Variants in HCFC2 observed in about 807,000 individuals in gnomAD.
HCFC2 encodes host cell factor 2.
A neutral mutation model predicts 89.2 loss-of-function variants in HCFC2; 18 were observed. That is an observed-to-expected ratio of 0.20 (90% CI 0.14 to 0.30). The LOEUF (loss-of-function observed/expected upper bound fraction) is 0.30, where lower values mean the gene tolerates loss of function less well. Ranked by LOEUF, HCFC2 falls within the 10% of genes least tolerant of loss-of-function variation. HCFC2 has a pLI of 1.00. For synonymous variants in HCFC2, 308 were observed against 335.7 expected (o/e 0.92, Z 0.90); for missense variants, 578 against 956.1 (o/e 0.60, Z 5.21).
chr12:104,089,119 T>C (rs1324236066), intron 9 of HCFC2, among the ~76,000 whole-genome samples: 1 of 152,216 alleles, frequency 6.6e-6, no homozygotes, highest in East Asian at 1.9e-4. Context: ...CTCGACCCTC[T>C]GTATCCACAG....
At chr12:104,098,283 C>T (rs1256961192) in intron 12 of HCFC2, 60 bp from the exon 13 acceptor site, 1 of 1,406,410 alleles carries the variant, frequency 7.1e-7, no homozygotes, top group Non-Finnish European at 9.7e-7. Context: ...CTTATTAAAT[C>T]TTGAAATTTT....
intron 2 of HCFC2, among the ~76,000 whole-genome samples, chr12:104,067,705 T>C: frequency 6.6e-6 from 1 of 152,250 alleles, no homozygotes; most frequent in East Asian, 1.9e-4. Context: ...TAGTGTTTAT[T>C]ATTATATGCT....
At chr12:104,074,731 G>A (rs1212015654) in intron 3 of HCFC2, among the ~76,000 whole-genome samples, 1 of 151,960 alleles carries the variant, frequency 6.6e-6, no homozygotes, top group Non-Finnish European at 1.5e-5. Context: ...ATTTATTAGC[G>A]ATTTTGCCTG....
chr12:104,096,270 T>C, intron 11 of HCFC2, 90 bp from the exon 12 acceptor site: 1 of 822,564 alleles, frequency 1.2e-6, no homozygotes, highest in Non-Finnish European at 1.8e-6. Flanking sequence ...AAGTTTACAG[T>C]TGGTGGCATT....
chr12:104,078,343 A>G (rs17805748), intron 3 of HCFC2, among the ~76,000 whole-genome samples: 13,488 of 152,240 alleles, frequency 0.089, 876 homozygotes, highest in Admixed American at 0.17. Flanking sequence ...TTCCTAGATA[A>G]CATCCTAGAA....
Position 104,102,256 on chromosome 12 carries a change from T to C in HCFC2, c.2064+103T>C, listed in dbSNP as rs1034555429. The C allele has an allele frequency of 8.6e-6, 8 of 934,998 alleles. No individual in the cohort carries two copies. The Admixed American group carries it at 1.3e-4, about 16-fold the overall frequency. 57.9% of individuals were successfully genotyped at this position (934,998 alleles called of 1,614,324 possible). On this transcript the variant is annotated intron_variant, in intron 14 of 14. Transcript: ENST00000229330. ...AAATTCTTGTTACCATCTAATGAAATGAGAGATACCTAAAAGGATGGATTT... is the reference window on the plus strand; with the variant it reads ...AAATTCTTGTTACCATCTAATGAAACGAGAGATACCTAAAAGGATGGATTT...
Position 104,098,070 on chromosome 12 carries a change from A to G in HCFC2, c.1741-273A>G, listed in dbSNP as rs531668104. On this transcript the variant is annotated intron_variant, in intron 12 of 14. Coordinates refer to ENST00000229330, the MANE Select transcript of HCFC2 (RefSeq NM_013320.3). ...TCTATAAAATAGCTGGCATTTTAAC[A>G]TATCACTGATTGGAAAGCATGCTAA... 42 of 299,418 alleles carry G rather than the reference A, an allele frequency of 1.4e-4. No homozygotes were observed. In the East Asian group the frequency reaches 2.2e-3, roughly 16 times the overall value. The allele number at this position is 299,418 out of a possible 1,614,324, so 18.5% of individuals were successfully genotyped here. A position where few individuals can be genotyped will look rare whatever the true frequency, so the allele number is the denominator to read the frequency against.
chr12:104,090,978 G>A (rs1884007669), intron 9 of HCFC2: 1 of 152,116 alleles, frequency 6.6e-6, no homozygotes, highest in Non-Finnish European at 1.5e-5. Flanking sequence ...AGACCAATTA[G>A]TTTCCCCTAA....
intron 3 of HCFC2, among the ~76,000 whole-genome samples, chr12:104,071,742 T>C (rs1268533547): frequency 1.3e-5 from 2 of 152,220 alleles, no homozygotes; most frequent in Non-Finnish European, 2.9e-5. Flanking sequence ...ACCAAATTGT[T>C]TTCCAAACTG....
intron 7 of HCFC2, among the ~76,000 whole-genome samples, chr12:104,084,975 G>C (rs2136613007): frequency 6.6e-6 from 1 of 152,268 alleles, no homozygotes. Flanking sequence ...ACCATGCTAA[G>C]TTTGAAATAA....
intron 3 of HCFC2, among the ~76,000 whole-genome samples, chr12:104,076,332 A>T (rs1259714410): frequency 6.6e-6 from 1 of 152,208 alleles, no homozygotes; most frequent in Non-Finnish European, 1.5e-5. Context: ...AGGTCTTATC[A>T]ACTTTTGAGT....
intron 7 of HCFC2, among the ~76,000 whole-genome samples, chr12:104,085,974 G>A (rs2136614342): frequency 6.7e-6 from 1 of 149,968 alleles, no homozygotes; most frequent in Middle Eastern, 3.5e-3. Context: ...GGAAGTTAAG[G>A]ATTTATCTCT....
chr12:104,075,063 G>A (rs1184281549), intron 3 of HCFC2, among the ~76,000 whole-genome samples: 3 of 151,656 alleles, frequency 2.0e-5, no homozygotes, highest in African/African-American at 7.3e-5. Flanking sequence ...ATTTCTAAAA[G>A]TTATAAGACA....
chr12:104,085,701 T>G (rs1225055160), intron 7 of HCFC2, among the ~76,000 whole-genome samples: 1 of 131,548 alleles, frequency 7.6e-6, no homozygotes, highest in African/African-American at 2.8e-5. Context: ...GCTCATCTTG[T>G]TTTTTTTTTT....
chr12:104,104,848 GTGT>G lies in HCFC2; in HGVS notation c.*1580_*1582del, dbSNP rs1328866274. The G allele has an allele frequency of 1.3e-5, 2 of 151,932 alleles. No individual in the cohort carries two copies. The highest frequency in any genetic ancestry group is 4.8e-5 in the African/African-American group (2 of 41,382). 9.4% of individuals were successfully genotyped at this position (151,932 alleles called of 1,614,324 possible). A position where few individuals can be genotyped will look rare whatever the true frequency, so the allele number is the denominator to read the frequency against. On this transcript the variant is annotated 3_prime_UTR_variant, in exon 15 of 15. Coordinates refer to ENST00000229330, the MANE Select transcript of HCFC2 (RefSeq NM_013320.3). Reference sequence around the variant, plus strand: ...AAGATAAAATAAATGCACTACTATGGTGTTGTTAGAATACCTTTTTTGTGGCTG... The same window carrying G: ...AAGATAAAATAAATGCACTACTATGGTGTTAGAATACCTTTTTTGTGGCTG...
At chr12:104,091,481 A>T (rs1172413534) in intron 9 of HCFC2, among the ~76,000 whole-genome samples, 1 of 152,242 alleles carries the variant, frequency 6.6e-6, no homozygotes, top group Non-Finnish European at 1.5e-5. Flanking sequence ...CTCTTCTGCC[A>T]TTCTCTTTTT....
At chr12:104,088,802 T>C (rs1883941812) in intron 9 of HCFC2, among the ~76,000 whole-genome samples, 1 of 152,202 alleles carries the variant, frequency 6.6e-6, no homozygotes, top group African/African-American at 2.4e-5. Flanking sequence ...ATAATATTTC[T>C]ATTATATATA....
chr12:104,087,344 C>T (rs926113541), intron 8 of HCFC2, among the ~76,000 whole-genome samples: 22 of 87,684 alleles, frequency 2.5e-4, no homozygotes, highest in Non-Finnish European at 4.3e-4. Context: ...ACAAGCAAGA[C>T]TCTGTCTTAA....
At chr12:104,080,538 A>T in intron 4 of HCFC2, 1 of 360,336 alleles carries the variant, frequency 2.8e-6, no homozygotes, top group Non-Finnish European at 5.0e-6. Flanking sequence ...ATAGATATGG[A>T]GGGCTAACTG....
Sources: gnomAD v4.1 joint callset for allele counts (sites outside exome capture counted in the v4.1 genomes callset) on GRCh38, gnomAD v4.1.1 for gene constraint, MANE v1.5 for transcripts, NCBI Gene and HGNC (gene_info 2026-07-23, HGNC 2026-07-21) for gene names.